SLC24A3: variants seen among roughly 807,000 people sequenced by gnomAD.
SLC24A3 encodes the protein solute carrier family 24 member 3.
In SLC24A3, 28 loss-of-function variants were observed where a neutral mutation model predicts 75.8. That is an observed-to-expected ratio of 0.37 (90% CI 0.27 to 0.51). The LOEUF is 0.51. Among genes scored for constraint, SLC24A3 ranks in the 20% least tolerant of loss-of-function variants. The pLI, the probability that SLC24A3 is intolerant of heterozygous loss-of-function variation, is 0.94. For synonymous variants in SLC24A3, 372 were observed against 334.1 expected, an observed-to-expected ratio of 1.11 and a Z score of -1.24; for missense variants, 663 against 847.8, an observed-to-expected ratio of 0.78 and a Z score of 2.71.
At chr20:19,441,575 C>T (rs1568618951) in intron 2 of SLC24A3, among the ~76,000 whole-genome samples, 1 of 152,060 alleles carries the variant, frequency 6.6e-6, no homozygotes. Flanking sequence ...TATGAAAAGT[C>T]CCCATATCCC....
chr20:19,688,674 G>T (rs1272471362), intron 12 of SLC24A3, among the ~76,000 whole-genome samples: 3 of 152,176 alleles, frequency 2.0e-5, no homozygotes, highest in African/African-American at 7.2e-5. Context: ...TAGTCATTCT[G>T]CAAGGCATGA....
intron 2 of SLC24A3, among the ~76,000 whole-genome samples, chr20:19,515,240 A>G (rs2029961222): frequency 6.6e-6 from 1 of 152,204 alleles, no homozygotes; most frequent in South Asian, 2.1e-4. Flanking sequence ...CACAAGTATG[A>G]TGGTATGACG....
chr20:19,636,394 G>T (rs2032003293), intron 6 of SLC24A3, among the ~76,000 whole-genome samples: 5 of 152,124 alleles, frequency 3.3e-5, no homozygotes, highest in Admixed American at 3.3e-4. Flanking sequence ...ATAGACTAAT[G>T]GCTTTCCCAA....
At chr20:19,497,198 A>C (rs532892974) in intron 2 of SLC24A3, among the ~76,000 whole-genome samples, 19 of 152,362 alleles carry the variant, frequency 1.2e-4, no homozygotes, top group South Asian at 4.1e-4. Context: ...GTCAGCTCCC[A>C]GCTCATTCTT....
rs145547517 is a variant in SLC24A3 at position 19,653,912 on chromosome 20, A to G, written c.613-150A>G. On this transcript the variant is annotated intron_variant, in intron 6 of 16. Coordinates refer to ENST00000328041, the MANE Select transcript of SLC24A3 (RefSeq NM_020689.4). ...TGCCTCTCAGAAGATCCAGACTAAT[A>G]TGCCTAAATACTTGAATAAATTCCG... The G allele has an allele frequency of 1.1e-3, 599 of 563,420 alleles. 5 individuals are homozygous for G. The highest frequency in any genetic ancestry group is 9.6e-3 in the African/African-American group (503 of 52,544). The allele number at this position is 563,420 out of a possible 1,614,324, so 34.9% of individuals were successfully genotyped here. A position where few individuals can be genotyped will look rare whatever the true frequency, so the allele number is the denominator to read the frequency against.
At chr20:19,378,932 G>A (rs552133532) in intron 2 of SLC24A3, among the ~76,000 whole-genome samples, 52 of 152,048 alleles carry the variant, frequency 3.4e-4, no homozygotes, top group Non-Finnish European at 6.3e-4. Flanking sequence ...GGATGCAGTG[G>A]GGGTAATTAT....
chr20:19,689,359 C>T (rs1474265519), intron 12 of SLC24A3, among the ~76,000 whole-genome samples: 1 of 152,160 alleles, frequency 6.6e-6, no homozygotes, highest in Non-Finnish European at 1.5e-5. Flanking sequence ...GAAACAAATC[C>T]TTTTGCTTGT....
intron 3 of SLC24A3, among the ~76,000 whole-genome samples, chr20:19,525,548 G>C (rs1164533377): frequency 6.6e-6 from 1 of 152,134 alleles, no homozygotes; most frequent in Non-Finnish European, 1.5e-5. Context: ...CTCAAGCAGG[G>C]CAGGGGAGGA....
intron 6 of SLC24A3, among the ~76,000 whole-genome samples, chr20:19,590,480 C>G (rs1474365596): frequency 1.3e-5 from 2 of 152,120 alleles, no homozygotes; most frequent in Admixed American, 6.5e-5. Context: ...ATAGTGCTGC[C>G]AAACCTAAAA....
chr20:19,550,362 T>C (rs1035881466), intron 3 of SLC24A3, among the ~76,000 whole-genome samples: 7 of 152,192 alleles, frequency 4.6e-5, no homozygotes, highest in Non-Finnish European at 4.4e-5. Flanking sequence ...CATAGTATCA[T>C]TGAGCTAAAA....
chr20:19,510,816 T>G (rs1988524219), intron 2 of SLC24A3, among the ~76,000 whole-genome samples: 1 of 152,200 alleles, frequency 6.6e-6, no homozygotes, highest in Non-Finnish European at 1.5e-5. Context: ...TGTCTGTTGG[T>G]TAAGCTCCCA....
chr20:19,492,259 A>G (rs1334360159), intron 2 of SLC24A3, among the ~76,000 whole-genome samples: 1 of 152,198 alleles, frequency 6.6e-6, no homozygotes, highest in Non-Finnish European at 1.5e-5. Flanking sequence ...ATTGTAGTTA[A>G]AAGCCTGGGC....
At chr20:19,529,963 G>A (rs189101627) in intron 3 of SLC24A3, among the ~76,000 whole-genome samples, 3 of 152,186 alleles carry the variant, frequency 2.0e-5, no homozygotes, top group South Asian at 2.1e-4. Flanking sequence ...ATAGTAAATA[G>A]ACTATATAGT....
At chr20:19,323,355 G>A (rs1984760243) in intron 2 of SLC24A3, among the ~76,000 whole-genome samples, 1 of 152,126 alleles carries the variant, frequency 6.6e-6, no homozygotes, top group Non-Finnish European at 1.5e-5. Context: ...GTGTGAGCAG[G>A]TCCATGCCAC....
chr20:19,308,662 A>G (rs990100), intron 2 of SLC24A3, among the ~76,000 whole-genome samples: 23,518 of 152,154 alleles, frequency 0.15, 4,443 homozygotes, highest in African/African-American at 0.43. Context: ...GAAATCAGTC[A>G]TGTCATTTGC....
intron 1 of SLC24A3, among the ~76,000 whole-genome samples, chr20:19,218,665 A>T (rs1056552478): frequency 6.7e-6 from 1 of 149,538 alleles, no homozygotes; most frequent in Non-Finnish European, 1.5e-5. Flanking sequence ...GATTTCCTCC[A>T]CTTGCAAGCC....
intron 3 of SLC24A3, among the ~76,000 whole-genome samples, chr20:19,543,423 G>C (rs934880884): frequency 2.0e-5 from 3 of 152,246 alleles, no homozygotes; most frequent in Admixed American, 6.5e-5. Context: ...TGAGCCTCTG[G>C]AGGGCCCGAA....
chr20:19,232,684 T>C (rs1982056773), intron 1 of SLC24A3, among the ~76,000 whole-genome samples: 1 of 152,240 alleles, frequency 6.6e-6, no homozygotes, highest in East Asian at 1.9e-4. Flanking sequence ...GTTAGAGAGC[T>C]TTTGCATATT....
intron 1 of SLC24A3, among the ~76,000 whole-genome samples, chr20:19,235,329 A>G (rs1413695544): frequency 6.6e-6 from 1 of 152,204 alleles, no homozygotes; most frequent in Non-Finnish European, 1.5e-5. Context: ...TGCTGTCGCC[A>G]GTTTGTACAA....
Sources: allele counts gnomAD v4.1 joint callset (sites outside exome capture counted in the v4.1 genomes callset), GRCh38; gene constraint gnomAD v4.1.1; transcripts MANE v1.5; gene names NCBI Gene and HGNC (gene_info 2026-07-23, HGNC 2026-07-21).